The following NEDD4L variants were observed in gnomAD, a reference collection of about 807,000 sequenced individuals.
NEDD4L encodes NEDD4 like E3 ubiquitin protein ligase, also known as E3 ubiquitin-protein ligase NEDD4-like.
A neutral mutation model predicts 148.9 loss-of-function variants in NEDD4L; 54 were observed. The ratio of observed to expected loss-of-function variants is 0.36; its 90% CI spans 0.29 to 0.45. The LOEUF (loss-of-function observed/expected upper bound fraction) is 0.45, where lower values mean the gene tolerates loss of function less well. NEDD4L is among the 20% of genes least tolerant of loss of function. NEDD4L has a pLI of 1.00. For synonymous variants in NEDD4L, 433 were observed against 440.7 expected, an observed-to-expected ratio of 0.98 and a Z score of 0.22; for missense variants, 856 against 1,233.8, an observed-to-expected ratio of 0.69 and a Z score of 4.59.
chr18:58,396,160 T>C lies in NEDD4L; in HGVS notation c.2826-7T>C. 1 of 1,605,998 alleles carries C rather than the reference T, an allele frequency of 6.2e-7. No homozygotes were observed. Among genetic ancestry groups the C allele is most frequent in the Non-Finnish European group, 8.5e-7 (1 of 1,173,134 alleles). ...CTTTTCACCTACACTTTTTGTTCCT[T>C]TTGCAGCTTTAATCGCCTTGACTTA... On this transcript the variant is annotated splice_region_variant and splice_polypyrimidine_tract_variant and intron_variant, in intron 30 of 30. Transcript: ENST00000400345.
At chr18:58,179,060 C>T (rs987147195) in intron 2 of NEDD4L, among the ~76,000 whole-genome samples, 4 of 152,154 alleles carry the variant, frequency 2.6e-5, no homozygotes, top group Non-Finnish European at 5.9e-5. Context: ...ACTTGAATCA[C>T]GTGCGAGTTC....
At chr18:58,369,484 C>T (rs2046549543) in intron 22 of NEDD4L, among the ~76,000 whole-genome samples, 1 of 49,022 alleles carries the variant, frequency 2.0e-5, no homozygotes, top group Non-Finnish European at 4.2e-5. Context: ...ATGGGAATGT[C>T]CCTGTCGGCA....
intron 1 of NEDD4L, among the ~76,000 whole-genome samples, chr18:58,060,918 C>G (rs1337730320): frequency 6.6e-6 from 1 of 152,112 alleles, no homozygotes; most frequent in Non-Finnish European, 1.5e-5. Context: ...GCCACCACAC[C>G]CAGCTAATTG....
At chr18:58,087,968 C>A (rs1183374303) in intron 1 of NEDD4L, among the ~76,000 whole-genome samples, 1 of 152,234 alleles carries the variant, frequency 6.6e-6, no homozygotes, top group Non-Finnish European at 1.5e-5. Flanking sequence ...GTCAGTATGT[C>A]TCAGGGTTTC....
rs1262208506 is a variant in NEDD4L, at chr18:58,324,970, ATCG to A, written c.514-23_514-21del. On this transcript the variant is annotated intron_variant, in intron 8 of 30. Coordinates refer to ENST00000400345, the MANE Select transcript of NEDD4L (RefSeq NM_001144967.3). ...TCACAGCCGAAGAACCAACCTCATA[ATCG>A]TCCCTTTAACTTTATTCCGCAGCAT... is the stretch of plus-strand genomic sequence containing the variant. The A allele has an allele frequency of 3.7e-6, 6 of 1,600,612 alleles. No homozygotes were observed. In the Admixed American group the frequency reaches 1.0e-4, roughly 27 times the overall value.
intron 1 of NEDD4L, among the ~76,000 whole-genome samples, chr18:58,068,956 G>T (rs1464109887): frequency 2.0e-5 from 3 of 152,008 alleles, no homozygotes; most frequent in African/African-American, 4.8e-5. Flanking sequence ...GGCCAACATG[G>T]CAAAACCCCG....
intron 5 of NEDD4L, among the ~76,000 whole-genome samples, chr18:58,306,173 A>G (rs919633390): frequency 2.0e-5 from 3 of 152,128 alleles, no homozygotes; most frequent in Non-Finnish European, 4.4e-5. Context: ...AAGGATCTAG[A>G]AAATGATTTC....
chr18:58,188,217 A>T (rs1337847735), intron 2 of NEDD4L, among the ~76,000 whole-genome samples: 1 of 152,092 alleles, frequency 6.6e-6, no homozygotes, highest in East Asian at 1.9e-4. Flanking sequence ...CTTTCATCAG[A>T]CACCTCTTCA....
intron 5 of NEDD4L, among the ~76,000 whole-genome samples, chr18:58,306,649 G>T (rs1343365534): frequency 1.3e-5 from 2 of 151,284 alleles, no homozygotes; most frequent in African/African-American, 4.9e-5. Context: ...TTTTGAAATG[G>T]AATTTTGCTC....
chr18:58,095,430 T>G (rs1009770818), intron 1 of NEDD4L, among the ~76,000 whole-genome samples: 1 of 152,064 alleles, frequency 6.6e-6, no homozygotes. Flanking sequence ...AGCTGCTGCT[T>G]AAAGTCGTTG....
chr18:58,079,637 A>C (rs986053042), intron 1 of NEDD4L, among the ~76,000 whole-genome samples: 1 of 152,150 alleles, frequency 6.6e-6, no homozygotes, highest in African/African-American at 2.4e-5. Context: ...CCCCGCATGC[A>C]CCACATGGGC....
chr18:58,358,459 A>G (rs187044123), intron 19 of NEDD4L, among the ~76,000 whole-genome samples: 2 of 152,216 alleles, frequency 1.3e-5, no homozygotes, highest in African/African-American at 2.4e-5. Flanking sequence ...TCAAGAAACT[A>G]TTCTTTTTAA....
chr18:58,269,288 A>T lies in NEDD4L; in HGVS notation c.297+17234A>T, dbSNP rs1013888017. Reference sequence around the variant, plus strand: ...TCAAAGATTGGGTAAATCATGGCTTAAAACTCTCAGAAAAGCATTCTAGGT... The same window carrying T: ...TCAAAGATTGGGTAAATCATGGCTTTAAACTCTCAGAAAAGCATTCTAGGT... On this transcript the variant is annotated intron_variant, in intron 5 of 30. Transcript: ENST00000400345. Among the ~76,000 whole-genome samples, 2 of 152,172 alleles carry T rather than the reference A, an allele frequency of 1.3e-5. 1 individual carries two copies. The highest frequency in any genetic ancestry group is 2.9e-5 in the Non-Finnish European group (2 of 67,944).
At position 58,048,054 on chromosome 18, in the gene NEDD4L, A is replaced by G. The variant is rs192904255; in HGVS notation, c.48+3346A>G. On this transcript the variant is annotated intron_variant, in intron 1 of 30. Coordinates refer to ENST00000400345, the MANE Select transcript of NEDD4L (RefSeq NM_001144967.3). ...TGAAGGCCAGGCTGACATAGGATAA[A>G]TGGCACCTTCTCTCCTTATCCTGTA... Among the ~76,000 whole-genome samples the G allele has an allele frequency of 3.9e-5, 6 of 152,340 alleles. No individual in the cohort carries two copies. The East Asian group carries it at 1.2e-3, about 29-fold the overall frequency.
Position 58,291,621 on chromosome 18 carries a change from A to G in NEDD4L, c.298-24361A>G, listed in dbSNP as rs527430261. ...CAAATGCATTTTTGCCTGTAAGACA[A>G]TCTTTGCCTAGGAAAGACAGCCCTA... On this transcript the variant is annotated intron_variant, in intron 5 of 30. Coordinates refer to ENST00000400345, the MANE Select transcript of NEDD4L (RefSeq NM_001144967.3). 4.1e-3 allele frequency among the ~76,000 whole-genome samples: 621 copies of G among 152,274 alleles called. 5 individuals carry two copies. The highest frequency in any genetic ancestry group is 0.011 in the African/African-American group (450 of 41,546).
chr18:58,264,026 G>A (rs2049860476), intron 5 of NEDD4L, among the ~76,000 whole-genome samples: 1 of 151,944 alleles, frequency 6.6e-6, no homozygotes, highest in Non-Finnish European at 1.5e-5. Flanking sequence ...CTGTTCCATA[G>A]GACCTTACTG....
intron 2 of NEDD4L, chr18:58,195,846 G>A (rs1457107846): frequency 1.1e-5 from 6 of 566,904 alleles, no homozygotes; most frequent in South Asian, 3.4e-5. Context: ...TGCAGGATTA[G>A]GGGGATTATT....
At chr18:58,252,960 G>A (rs1432906151) in intron 5 of NEDD4L, among the ~76,000 whole-genome samples, 3 of 152,132 alleles carry the variant, frequency 2.0e-5, no homozygotes, top group Non-Finnish European at 4.4e-5. Context: ...TGTGAACCAG[G>A]TGTTCCAACT....
At chr18:58,357,792 G>C (rs1479201480) in intron 19 of NEDD4L, among the ~76,000 whole-genome samples, 1 of 152,136 alleles carries the variant, frequency 6.6e-6, no homozygotes, top group African/African-American at 2.4e-5. Flanking sequence ...AATCAATTCT[G>C]ATGCAGGCGT....
Sources: gnomAD v4.1 joint callset for allele counts (sites outside exome capture counted in the v4.1 genomes callset) on GRCh38, gnomAD v4.1.1 for gene constraint, MANE v1.5 for transcripts, NCBI Gene and HGNC (gene_info 2026-07-23, HGNC 2026-07-21) for gene names.